The following CSMD2 variants were observed in gnomAD, a reference collection of about 807,000 sequenced individuals.
The protein encoded by CSMD2 is CUB and Sushi multiple domains 2.
CSMD2 carries 130 observed loss-of-function variants against 398.5 expected under a neutral mutation model. The observed-to-expected ratio is 0.33, with a 90% CI of 0.28 to 0.38. The LOEUF (loss-of-function observed/expected upper bound fraction) is 0.38. Among genes scored for constraint, CSMD2 ranks in the 10% least tolerant of loss-of-function variants. CSMD2 has a pLI of 1.00. For synonymous variants in CSMD2, 1,828 were observed against 1,908.5 expected, an observed-to-expected ratio of 0.96 and a Z score of 1.10; for missense variants, 3,829 against 4,764.9, an observed-to-expected ratio of 0.80 and a Z score of 5.78.
intron 20 of CSMD2, among the ~76,000 whole-genome samples, chr1:33,715,921 A>G (rs566289126): frequency 2.0e-4 from 29 of 146,942 alleles, no homozygotes; most frequent in Non-Finnish European, 3.6e-4. Context: ...TTTTTTTTTC[A>G]TATTGCTGGG....
intron 29 of CSMD2, among the ~76,000 whole-genome samples, chr1:33,645,450 T>C (rs186240895): frequency 2.6e-4 from 40 of 152,042 alleles, no homozygotes; most frequent in Middle Eastern, 3.4e-3. Flanking sequence ...GCAACATAAT[T>C]ATTACTAGCA....
chr1:34,032,520 A>G, intron 3 of CSMD2, 74 bp downstream of exon 3: 5 of 948,060 alleles, frequency 5.3e-6, no homozygotes, highest in Non-Finnish European at 7.8e-6. Context: ...TGCATCTGTG[A>G]GCAATGCAGT....
intron 44 of CSMD2, among the ~76,000 whole-genome samples, chr1:33,598,342 T>C (rs2148794618): frequency 6.6e-6 from 1 of 152,314 alleles, no homozygotes; most frequent in South Asian, 2.1e-4. Flanking sequence ...CCTCTCCCAC[T>C]TGAGCCTGCC....
chr1:33,690,678 GT>G (rs1338919685), intron 25 of CSMD2, among the ~76,000 whole-genome samples: 3 of 152,176 alleles, frequency 2.0e-5, no homozygotes, highest in Non-Finnish European at 4.4e-5. Flanking sequence ...TCCACTCATT[GT>G]TCAACCACTA....
At chr1:33,724,726 T>C (rs1646472089) in intron 17 of CSMD2, 22 bp from the exon 18 acceptor site, 2 of 1,609,458 alleles carry the variant, frequency 1.2e-6, no homozygotes, top group African/African-American at 1.3e-5. Flanking sequence ...AGGCCACAGC[T>C]GGGACAGACA....
intron 2 of CSMD2, among the ~76,000 whole-genome samples, chr1:34,047,915 G>A (rs1652720774): frequency 6.6e-6 from 1 of 152,214 alleles, no homozygotes; most frequent in Non-Finnish European, 1.5e-5. Flanking sequence ...TCCTCCACTT[G>A]TTTGCCATGA....
chr1:33,666,052 C>T (rs951005310), intron 25 of CSMD2, among the ~76,000 whole-genome samples: 1 of 152,118 alleles, frequency 6.6e-6, no homozygotes, highest in Non-Finnish European at 1.5e-5. Flanking sequence ...TGAAATATCC[C>T]CTTAGTTGCG....
At chr1:34,042,176 A>G (rs563462281) in intron 2 of CSMD2, among the ~76,000 whole-genome samples, 1 of 152,394 alleles carries the variant, frequency 6.6e-6, no homozygotes, top group East Asian at 1.9e-4. Context: ...CCTGCTTGAT[A>G]GAAAAACATA....
At chr1:33,697,448 G>A (rs941971139) in intron 24 of CSMD2, among the ~76,000 whole-genome samples, 3 of 152,110 alleles carry the variant, frequency 2.0e-5, no homozygotes, top group African/African-American at 4.8e-5. Flanking sequence ...CTACTGTTTC[G>A]GTCTGTCCAC....
At chr1:33,763,238 G>A (rs1650059647) in intron 13 of CSMD2, among the ~76,000 whole-genome samples, 2 of 152,046 alleles carry the variant, frequency 1.3e-5, no homozygotes, top group South Asian at 4.2e-4. Context: ...AAATTCAAGG[G>A]ACCAAACCTC....
intron 5 of CSMD2, chr1:33,860,327 T>C (rs1041493772): frequency 6.6e-6 from 1 of 152,232 alleles, no homozygotes; most frequent in Admixed American, 6.5e-5. Flanking sequence ...TATTTCAGTT[T>C]GTCTAATGTT....
chr1:33,786,461 C>T (rs1286967533), intron 12 of CSMD2, among the ~76,000 whole-genome samples: 2 of 152,236 alleles, frequency 1.3e-5, no homozygotes, highest in African/African-American at 4.8e-5. Flanking sequence ...CTGCTCCTCT[C>T]ATAGCCCCAC....
chr1:33,815,923 A>G (rs1657410500), intron 9 of CSMD2, among the ~76,000 whole-genome samples: 1 of 152,188 alleles, frequency 6.6e-6, no homozygotes, highest in African/African-American at 2.4e-5. Context: ...AGAGATCTGA[A>G]AATAGAACTC....
chr1:34,085,561 C>T (rs912704302), intron 2 of CSMD2, among the ~76,000 whole-genome samples: 4 of 152,132 alleles, frequency 2.6e-5, no homozygotes, highest in African/African-American at 9.6e-5. Context: ...AAAAACAGTT[C>T]AATTTCCTGC....
At chr1:33,808,904 T>C (rs1042155569) in intron 10 of CSMD2, among the ~76,000 whole-genome samples, 3 of 152,010 alleles carry the variant, frequency 2.0e-5, no homozygotes, top group African/African-American at 7.2e-5. Context: ...ATGGCAGGTA[T>C]CATAACTATA....
intron 67 of CSMD2, among the ~76,000 whole-genome samples, chr1:33,523,096 T>C (rs1440376277): frequency 1.3e-5 from 2 of 152,232 alleles, no homozygotes; most frequent in Non-Finnish European, 1.5e-5. Flanking sequence ...GTGGTGAACC[T>C]CTGGACTCTG....
At chr1:33,846,292 GC>G (rs1193596504) in intron 6 of CSMD2, among the ~76,000 whole-genome samples, 2 of 152,218 alleles carry the variant, frequency 1.3e-5, no homozygotes, top group Non-Finnish European at 2.9e-5. Context: ...CTGATCTGTT[GC>G]CACTAGACAG....
At chr1:33,534,023 T>C in intron 62 of CSMD2, 116 bp from the exon 63 acceptor site, 1 of 633,626 alleles carries the variant, frequency 1.6e-6, no homozygotes, top group Non-Finnish European at 2.8e-6. Context: ...TGCAAAACTC[T>C]TTTTCTGATT....
chr1:33,617,101 C>A, intron 38 of CSMD2, 126 bp from the exon 39 acceptor site: 1 of 693,226 alleles, frequency 1.4e-6, no homozygotes, highest in Non-Finnish European at 2.6e-6. Context: ...CAAAGACACA[C>A]AGATCCACTG....
Sources: gnomAD v4.1 joint callset for allele counts (sites outside exome capture counted in the v4.1 genomes callset) on GRCh38, gnomAD v4.1.1 for gene constraint, MANE v1.5 for transcripts, NCBI Gene and HGNC (gene_info 2026-07-23, HGNC 2026-07-21) for gene names.